The following TMCO4 variants were observed in gnomAD, a reference collection of about 807,000 sequenced individuals.
TMCO4 encodes the protein transmembrane and coiled-coil domains 4.
A neutral mutation model predicts 64.7 loss-of-function variants in TMCO4; 58 were observed. The ratio of observed to expected loss-of-function variants is 0.90; its 90% confidence interval spans 0.73 to 1.12. The LOEUF (loss-of-function observed/expected upper bound fraction) is 1.12. Ranked by LOEUF, TMCO4 falls within the 50% of genes most tolerant of loss-of-function variation. TMCO4 has a pLI of 0.00. For synonymous variants in TMCO4, 325 were observed against 346.1 expected, an observed-to-expected ratio of 0.94 and a Z score of 0.68; for missense variants, 780 against 825.9, an observed-to-expected ratio of 0.94 and a Z score of 0.68.
rs367796046 is a variant in TMCO4 at position 19,684,218 on chromosome 1, G to C, written c.1501-774C>G. Among the ~76,000 whole-genome samples, 5 of 150,656 alleles carry C rather than the reference G, an allele frequency of 3.3e-5. No individual in the cohort carries two copies. The South Asian group carries it at 8.5e-4, about 25-fold the overall frequency. The stretch of plus-strand genomic sequence containing the variant: ...TACAACCATAGCTCACTGCAGCCTT[G>C]ACCTCTTGGGCTCTAGTGATTCTCC... On this transcript the variant is annotated intron_variant, in intron 15 of 15. Coordinates refer to ENST00000294543, the MANE Select transcript of TMCO4 (RefSeq NM_181719.7).
chr1:19,698,443 T>C (rs1343626501), intron 14 of TMCO4, among the ~76,000 whole-genome samples: 1 of 152,230 alleles, frequency 6.6e-6, no homozygotes, highest in African/African-American at 2.4e-5. Flanking sequence ...AGCAGTGCTA[T>C]CACCTCAGCT....
chr1:19,732,240 T>C lies in TMCO4; in HGVS notation c.1264+5132A>G, dbSNP rs1331587814. ...AGGCTGGAGTGCAGTGGCACGATCA[T>C]GGCTCACTGCATCTTCAACCTCCTG... On this transcript the variant is annotated intron_variant, in intron 13 of 15. Transcript: ENST00000294543. This position sits in a 1 kb window ranked among gnomAD's most constrained non-coding sequence, Gnocchi z 4.8. Among the ~76,000 whole-genome samples the C allele has an allele frequency of 6.6e-6, 1 of 152,206 alleles. No homozygotes were observed. The highest frequency in any genetic ancestry group is 1.5e-5 in the Non-Finnish European group (1 of 68,028).
At chr1:19,786,200 C>T (rs1285767105) in intron 3 of TMCO4, among the ~76,000 whole-genome samples, 5 of 152,266 alleles carry the variant, frequency 3.3e-5, no homozygotes, top group East Asian at 1.9e-4. Flanking sequence ...GAGGCTGCAG[C>T]GAGCCGTGAT....
At chr1:19,714,248 T>C (rs1450661562) in intron 13 of TMCO4, among the ~76,000 whole-genome samples, 4 of 152,216 alleles carry the variant, frequency 2.6e-5, no homozygotes, top group African/African-American at 9.6e-5. Flanking sequence ...GTTCATTATT[T>C]TTCTCTTTAG....
Position 19,700,830 on chromosome 1 carries a change from T to C in TMCO4, c.1320A>G (p.Glu440=). The C allele has an allele frequency of 6.2e-7, 1 of 1,614,240 alleles. No individual in the cohort carries two copies. Among genetic ancestry groups the C allele is most frequent in the Non-Finnish European group, 8.5e-7 (1 of 1,180,036 alleles). The part of the protein sequence containing the change: ...VILLGAPVEG[E]AKHWEPFRKV... ...TCCGGAAAGGCTCCCAATGCTTGGC[T>C]TCTCCCTCCACAGGCGCACCCAGCA... Residue 440 remains glutamate (E), a synonymous_variant, in exon 14 of 16, where the codon GAA becomes GAG. Transcript: ENST00000294543.
In TMCO4 at chr1:19,683,282, T is replaced by G; in HGVS notation, c.1663A>C (p.Thr555Pro). The change falls in exon 16 of 16, where the codon ACC becomes CCC. Residue 555 changes from threonine to proline, a missense_variant. Thr to Pro is a conservative substitution (Grantham distance 38, BLOSUM62 -1). Coordinates refer to ENST00000294543, the MANE Select transcript of TMCO4 (RefSeq NM_181719.7). ...TGGGTTTGCCCAACCTGGTGGGGGG[T>G]CTCGCCTGATGAGGCGGCAGCTGCT... is the stretch of plus-strand genomic sequence containing the variant. The part of the protein sequence containing the change: ...QAAAAASSGE[T>P]PHQVGQTQGP... The G allele has an allele frequency of 6.2e-7, 1 of 1,613,816 alleles. No homozygotes were observed. The highest frequency in any genetic ancestry group is 1.1e-5 in the South Asian group (1 of 91,072).
Position 19,749,383 on chromosome 1 carries a change from T to C in TMCO4, c.516-2123A>G, listed in dbSNP as rs936610956. 7.2e-5 allele frequency among the ~76,000 whole-genome samples: 11 copies of C among 152,278 alleles called. 2 individuals are homozygous for C. The highest frequency in any genetic ancestry group is 6.5e-4 in the Admixed American group (10 of 15,286). On this transcript the variant is annotated intron_variant, in intron 7 of 15. Coordinates refer to ENST00000294543, the MANE Select transcript of TMCO4 (RefSeq NM_181719.7). Reference sequence around the variant, plus strand: ...ATCTTTTTTTTTTTCCCTTTCTTTTTTTGAGACAAGGCCTGGCTCTGTCAC... The same window carrying C: ...ATCTTTTTTTTTTTCCCTTTCTTTTCTTGAGACAAGGCCTGGCTCTGTCAC...
In TMCO4 at chr1:19,744,731, CG is replaced by C. The variant is rs201486978; in HGVS notation, c.877+800del. 3.2e-3 allele frequency among the ~76,000 whole-genome samples: 488 copies of C among 152,274 alleles called. 7 individuals are homozygous for C. Among genetic ancestry groups the C allele is most frequent in the African/African-American group, 0.01 (418 of 41,542 alleles). On this transcript the variant is annotated intron_variant, in intron 10 of 15. Transcript: ENST00000294543. ...AATACACTTTCTGCTCCTGGTTTAT[CG>C]GGCTAACTCCCAGCTAGCCCTTAGC... is the stretch of plus-strand genomic sequence containing the variant.
At position 19,682,829 on chromosome 1, in the gene TMCO4, C is replaced by T. The variant is rs937109908; in HGVS notation, c.*211G>A. 9 of 761,272 alleles carry T rather than the reference C, an allele frequency of 1.2e-5. No individual in the cohort carries two copies. In the African/African-American group the frequency reaches 1.4e-4, roughly 12 times the overall value. The allele number at this position is 761,272 out of a possible 1,614,324, so 47.2% of individuals were successfully genotyped here. A position where few individuals can be genotyped will look rare whatever the true frequency, so the allele number is the denominator to read the frequency against. On this transcript the variant is annotated 3_prime_UTR_variant, in exon 16 of 16. Transcript: ENST00000294543. ...GCAGCTGCTCCCTGGTGGGGCTCCT[C>T]TGGGGACAGGCAGCTTCCCAAGGGT... is the stretch of plus-strand genomic sequence containing the variant.
At chr1:19,690,116 AT>A (rs1226900034) in intron 15 of TMCO4, among the ~76,000 whole-genome samples, 1 of 152,178 alleles carries the variant, frequency 6.6e-6, no homozygotes, top group African/African-American at 2.4e-5. Flanking sequence ...CCATCCACTC[AT>A]CCCCTCTCTG....
In TMCO4 at chr1:19,771,351, A is replaced by G. The variant is rs750537919; in HGVS notation, c.311T>C (p.Leu104Pro). Residue 104 changes from leucine to proline, a missense_variant, in exon 5 of 16, where the codon CTG becomes CCG. Transcript: ENST00000294543. ...GTCGTCCTTCAAGATGGGGTCCTTCAGTAAAATTTGAACAAACACATCTGC... is the reference window on the plus strand; with the variant it reads ...GTCGTCCTTCAAGATGGGGTCCTTCGGTAAAATTTGAACAAACACATCTGC... The part of the protein sequence containing the change: ...EGADVFVQIL[L>P]KDPILKDDPT... The G allele has an allele frequency of 3.1e-6, 5 of 1,614,066 alleles. No individual in the cohort carries two copies. Among genetic ancestry groups the G allele is most frequent in the Non-Finnish European group, 4.2e-6 (5 of 1,180,032 alleles).
intron 7 of TMCO4, among the ~76,000 whole-genome samples, chr1:19,750,643 C>A (rs906855625): frequency 6.6e-6 from 1 of 152,198 alleles, no homozygotes; most frequent in Non-Finnish European, 1.5e-5. Flanking sequence ...CACTTACGCC[C>A]TCTGTGTCCT....
chr1:19,688,802 A>G (rs2095169814), intron 15 of TMCO4, among the ~76,000 whole-genome samples: 1 of 152,226 alleles, frequency 6.6e-6, no homozygotes, highest in African/African-American at 2.4e-5. Context: ...GTTGTTGGCT[A>G]CTGCGGTTAT....
intron 13 of TMCO4, among the ~76,000 whole-genome samples, chr1:19,704,732 G>A (rs2100643632): frequency 6.6e-6 from 1 of 152,260 alleles, no homozygotes; most frequent in South Asian, 2.1e-4. Context: ...GGCCAGCGGT[G>A]GTAATAGCAG....
chr1:19,790,019 C>T (rs1193349661), intron 2 of TMCO4, among the ~76,000 whole-genome samples: 1 of 148,162 alleles, frequency 6.7e-6, no homozygotes, highest in Non-Finnish European at 1.5e-5. Flanking sequence ...TGCCACTGGA[C>T]TCCAGCCTGG....
chr1:19,768,667 G>A (rs2042849274), intron 6 of TMCO4, among the ~76,000 whole-genome samples: 1 of 152,182 alleles, frequency 6.6e-6, no homozygotes, highest in Admixed American at 6.5e-5. Flanking sequence ...GGTCACCCGT[G>A]GAGAGCCCTT....
chr1:19,768,861 G>A (rs1437207258), intron 6 of TMCO4, among the ~76,000 whole-genome samples: 1 of 152,188 alleles, frequency 6.6e-6, no homozygotes, highest in African/African-American at 2.4e-5. Flanking sequence ...CCTCCCAGCA[G>A]TGCCGATGCT....
rs79752119 is a variant in TMCO4 at position 19,721,369 on chromosome 1, C to T, written c.1264+16003G>A. Among the ~76,000 whole-genome samples the T allele has an allele frequency of 1.7e-3, 252 of 152,300 alleles. 5 individuals are homozygous for T. In the East Asian group the frequency reaches 0.045, roughly 27 times the overall value. ...GGAGCTTAGGCAGACAGTGTGGGCA[C>T]GTGCTCCATTGCTTGAGAGTGGCAG... On this transcript the variant is annotated intron_variant, in intron 13 of 15. Coordinates refer to ENST00000294543, the MANE Select transcript of TMCO4 (RefSeq NM_181719.7).
At chr1:19,744,843 C>T (rs527668561) in intron 10 of TMCO4, among the ~76,000 whole-genome samples, 5 of 152,350 alleles carry the variant, frequency 3.3e-5, no homozygotes, top group Admixed American at 6.5e-5. Flanking sequence ...TTTAGTTACT[C>T]GGTCTGTCTT....
Sources: gnomAD v4.1 joint callset for allele counts (sites outside exome capture counted in the v4.1 genomes callset) on GRCh38, gnomAD v4.1.1 for gene constraint, Gnocchi (gnomAD v3.1) non-coding constraint, MANE v1.5 for transcripts, NCBI Gene and HGNC (gene_info 2026-07-23, HGNC 2026-07-21) for gene names.